The following ARID2 variants were observed in gnomAD, a reference collection of about 807,000 sequenced individuals.
ARID2 encodes AT-rich interaction domain 2, also known as AT-rich interactive domain-containing protein 2.
A neutral mutation model predicts 184.6 loss-of-function variants in ARID2; 32 were observed. The ratio of observed to expected loss-of-function variants is 0.17; its 90% CI spans 0.13 to 0.23. The LOEUF is 0.23. Ranked by LOEUF, ARID2 falls within the 10% of genes least tolerant of loss-of-function variation. ARID2 has a pLI of 1.00. For missense variants in ARID2, 1,696 were observed against 2,197.6 expected (o/e 0.77, Z 4.56); for synonymous variants, 836 against 772.6 (o/e 1.08, Z -1.36).
chr12:45,883,460 A>G (rs1944136475), intron 16 of ARID2, among the ~76,000 whole-genome samples: 1 of 150,378 alleles, frequency 6.6e-6, no homozygotes, highest in Admixed American at 6.7e-5. Context: ...AGCAAAAACA[A>G]AAACAAAGAA....
chr12:45,801,249 T>G (rs1942494548), intron 3 of ARID2, among the ~76,000 whole-genome samples: 1 of 151,658 alleles, frequency 6.6e-6, no homozygotes, highest in Admixed American at 6.6e-5. Context: ...GAGGTGGAGT[T>G]TGCAGTGAGC....
At chr12:45,737,998 T>A (rs978745564) in intron 3 of ARID2, among the ~76,000 whole-genome samples, 2 of 152,224 alleles carry the variant, frequency 1.3e-5, no homozygotes, top group African/African-American at 4.8e-5. Context: ...AGTGTGTTTA[T>A]GTAATTTGGA....
chr12:45,804,479 C>T (rs546789461), intron 3 of ARID2, among the ~76,000 whole-genome samples: 5 of 149,506 alleles, frequency 3.3e-5, no homozygotes, highest in Admixed American at 1.3e-4. Flanking sequence ...CTAGTGTGTG[C>T]GTGTGTGTGC....
intron 4 of ARID2, among the ~76,000 whole-genome samples, chr12:45,815,490 G>A (rs1035700001): frequency 1.3e-5 from 2 of 152,030 alleles, no homozygotes; most frequent in Non-Finnish European, 2.9e-5. Context: ...AATTGAAGAG[G>A]TGTATCTCTT....
chr12:45,873,759 A>G (rs1943963157), intron 16 of ARID2, among the ~76,000 whole-genome samples: 1 of 152,270 alleles, frequency 6.6e-6, no homozygotes, highest in South Asian at 2.1e-4. Context: ...ACATACCTTA[A>G]TTAAAAATGC....
intron 16 of ARID2, 74 bp from the exon 17 acceptor site, chr12:45,891,706 G>A (rs1219514511): frequency 6.6e-7 from 1 of 1,514,904 alleles, no homozygotes; most frequent in Non-Finnish European, 9.0e-7. Context: ...GGAAATATAA[G>A]CAGAGAAATT....
intron 4 of ARID2, among the ~76,000 whole-genome samples, chr12:45,813,892 GT>G (rs1382375752): frequency 4.6e-5 from 7 of 152,110 alleles, no homozygotes; most frequent in African/African-American, 1.7e-4. Context: ...TTTTCATACT[GT>G]TTTTGACATT....
intron 6 of ARID2, among the ~76,000 whole-genome samples, chr12:45,834,148 A>G (rs1037460066): frequency 2.0e-5 from 3 of 152,194 alleles, no homozygotes; most frequent in Admixed American, 2.0e-4. Flanking sequence ...AATCTCTGAA[A>G]ACAGTTTTTT....
intron 15 of ARID2, among the ~76,000 whole-genome samples, chr12:45,860,331 T>C (rs1943721545): frequency 6.6e-6 from 1 of 152,240 alleles, no homozygotes; most frequent in African/African-American, 2.4e-5. Context: ...TACATCATTA[T>C]TGCTATCTAA....
chr12:45,821,748 C>A (rs367889338), intron 6 of ARID2, among the ~76,000 whole-genome samples: 1 of 152,288 alleles, frequency 6.6e-6, no homozygotes, highest in East Asian at 1.9e-4. Flanking sequence ...TGACCCTCTT[C>A]TCAACTGGGA....
intron 3 of ARID2, among the ~76,000 whole-genome samples, chr12:45,764,659 T>A (rs530621164): frequency 6.6e-6 from 1 of 152,372 alleles, no homozygotes; most frequent in South Asian, 2.1e-4. Flanking sequence ...GTACAGTACA[T>A]CTGAGATTTA....
At chr12:45,846,027 T>TA (rs1943433405) in intron 11 of ARID2, 1 of 152,166 alleles carries the variant, frequency 6.6e-6, no homozygotes, top group African/African-American at 2.4e-5. Flanking sequence ...AAAGGTAACA[T>TA]ACATCATTTT....
At chr12:45,854,072 C>T (rs562776834) in intron 15 of ARID2, among the ~76,000 whole-genome samples, 1 of 152,122 alleles carries the variant, frequency 6.6e-6, no homozygotes, top group Non-Finnish European at 1.5e-5. Flanking sequence ...ATTAGATTCT[C>T]GTAGGACCAC....
intron 5 of ARID2, among the ~76,000 whole-genome samples, chr12:45,821,083 CA>C (rs1942885950): frequency 6.6e-6 from 1 of 151,978 alleles, no homozygotes; most frequent in Non-Finnish European, 1.5e-5. Flanking sequence ...AATTTAATAG[CA>C]ATAACCTCAG....
intron 3 of ARID2, among the ~76,000 whole-genome samples, chr12:45,760,076 A>G (rs953131279): frequency 1.4e-4 from 22 of 152,214 alleles, no homozygotes; most frequent in African/African-American, 5.1e-4. Flanking sequence ...TAGCAAAGAC[A>G]TGAATTTTGT....
At chr12:45,871,012 T>G (rs562217496) in intron 16 of ARID2, among the ~76,000 whole-genome samples, 2 of 152,360 alleles carry the variant, frequency 1.3e-5, no homozygotes, top group East Asian at 3.9e-4. Context: ...ATAAAGACTA[T>G]GCTTAACATT....
intron 3 of ARID2, among the ~76,000 whole-genome samples, chr12:45,742,952 G>A (rs1189274739): frequency 6.6e-6 from 1 of 152,068 alleles, no homozygotes; most frequent in African/African-American, 2.4e-5. Flanking sequence ...CCACAACTTT[G>A]CTCTGTTGTC....
chr12:45,898,944 A>T (rs1457276926), intron 20 of ARID2, among the ~76,000 whole-genome samples: 2 of 152,006 alleles, frequency 1.3e-5, no homozygotes, highest in African/African-American at 4.8e-5. Context: ...TAGTGTGTGA[A>T]TTATACCTCA....
intron 3 of ARID2, among the ~76,000 whole-genome samples, chr12:45,786,374 A>G (rs1000603086): frequency 3.3e-5 from 5 of 152,210 alleles, no homozygotes; most frequent in African/African-American, 1.2e-4. Context: ...TTCTGACATA[A>G]TATGACAATA....
Sources: gnomAD v4.1 joint callset for allele counts (sites outside exome capture counted in the v4.1 genomes callset) on GRCh38, gnomAD v4.1.1 for gene constraint, MANE v1.5 for transcripts, NCBI Gene and HGNC (gene_info 2026-07-23, HGNC 2026-07-21) for gene names.